Variants in APP observed in about 807,000 individuals in gnomAD.
APP encodes amyloid-beta precursor protein.
In APP, 31 loss-of-function variants were observed where a neutral mutation model predicts 101.4. The observed-to-expected ratio is 0.31, with a 90% confidence interval of 0.23 to 0.41. APP has a LOEUF of 0.41. Among genes scored for constraint, APP ranks in the 10% least tolerant of loss-of-function variants. The probability of loss-of-function intolerance (pLI) is 1.00; values close to 1 mark genes in which losing one functional copy is unlikely to be tolerated. For synonymous variants in APP, 366 were observed against 364.4 expected, an observed-to-expected ratio of 1.00 and a Z score of -0.05; for missense variants, 839 against 1,003.7, an observed-to-expected ratio of 0.84 and a Z score of 2.22.
rs2061792750 is a variant in APP, at chr21:26,090,135, C to CT, written c.226-64dup. 3.7e-6 allele frequency: 6 copies of CT among 1,605,364 alleles called. No individual in the cohort carries two copies. In the South Asian group the frequency reaches 4.4e-5, roughly 12 times the overall value. On this transcript the variant is annotated intron_variant, in intron 2 of 17. Transcript: ENST00000346798. ...GGCAGGGGCTGGCATTTACAAGCAT[C>CT]TAACAAGCCTCCACTGTAAGGTACA...
chr21:25,925,342 G>A (rs2039842197), intron 13 of APP, among the ~76,000 whole-genome samples: 1 of 152,142 alleles, frequency 6.6e-6, no homozygotes, highest in Non-Finnish European at 1.5e-5. Flanking sequence ...CCAAGGCTCG[G>A]GTTCGTCATC....
chr21:26,090,950 A>G (rs1671862798), intron 2 of APP, among the ~76,000 whole-genome samples: 1 of 152,244 alleles, frequency 6.6e-6, no homozygotes, highest in South Asian at 2.1e-4. Flanking sequence ...TGAATACATC[A>G]TGGTGTTTAA....
intron 1 of APP, among the ~76,000 whole-genome samples, chr21:26,142,537 G>A (rs1001732500): frequency 6.6e-6 from 1 of 152,154 alleles, no homozygotes; most frequent in Non-Finnish European, 1.5e-5. Context: ...GGGAGATAGA[G>A]GTCGGAGGCT....
chr21:26,026,716 G>A (rs2044591748), intron 5 of APP, among the ~76,000 whole-genome samples: 1 of 152,222 alleles, frequency 6.6e-6, no homozygotes, highest in African/African-American at 2.4e-5. Context: ...CGAACAGGAG[G>A]AACACAGAGG....
At chr21:25,959,258 C>T (rs1306107144) in intron 11 of APP, among the ~76,000 whole-genome samples, 1 of 152,174 alleles carries the variant, frequency 6.6e-6, no homozygotes, top group Non-Finnish European at 1.5e-5. Context: ...CATGGTGAAA[C>T]CCCATCTCTA....
intron 8 of APP, 23 bp from the exon 9 acceptor site, chr21:25,982,500 GT>G: frequency 5.0e-6 from 8 of 1,610,344 alleles, no homozygotes; most frequent in Non-Finnish European, 6.8e-6. Context: ...AGAGAAGGAG[GT>G]TTGAGAAAAA....
chr21:26,084,903 T>C (rs1487214445), intron 3 of APP, among the ~76,000 whole-genome samples: 2 of 152,240 alleles, frequency 1.3e-5, no homozygotes, highest in Non-Finnish European at 2.9e-5. Context: ...AAATTAATGA[T>C]CATTCTGTGT....
At chr21:26,109,601 A>G (rs2062265763) in intron 2 of APP, among the ~76,000 whole-genome samples, 1 of 152,218 alleles carries the variant, frequency 6.6e-6, no homozygotes, top group South Asian at 2.1e-4. Context: ...CAGCAATGTG[A>G]GAACAGACTA....
At chr21:26,147,441 A>G (rs1319362015) in intron 1 of APP, among the ~76,000 whole-genome samples, 1 of 152,198 alleles carries the variant, frequency 6.6e-6, no homozygotes, top group Non-Finnish European at 1.5e-5. Context: ...TGCCCTTTAT[A>G]TAAGCTTTAT....
At chr21:26,095,427 C>T (rs904731416) in intron 2 of APP, among the ~76,000 whole-genome samples, 1 of 152,220 alleles carries the variant, frequency 6.6e-6, no homozygotes, top group Non-Finnish European at 1.5e-5. Flanking sequence ...CGCTTGTGTT[C>T]AAGTAACTCT....
chr21:25,931,009 A>G (rs1000708526), intron 13 of APP, among the ~76,000 whole-genome samples: 3 of 152,312 alleles, frequency 2.0e-5, no homozygotes, highest in Middle Eastern at 3.4e-3. Context: ...TCTGCAACCA[A>G]GAAAATCAAA....
chr21:26,048,272 G>A lies in APP; in HGVS notation c.662+2728C>T, dbSNP rs1385889906. ...CGGGAGGTGGAGGTTGCAGTGAGCC[G>A]AGATCACGCCACTGCACTCCAGCCT... is the stretch of plus-strand genomic sequence containing the variant. On this transcript the variant is annotated intron_variant, in intron 5 of 17. Transcript: ENST00000346798. Among the ~76,000 whole-genome samples the A allele has an allele frequency of 4.6e-5, 7 of 152,232 alleles. No homozygotes were observed. In the East Asian group the frequency reaches 7.7e-4, roughly 17 times the overall value.
chr21:26,161,696 G>A (rs2063494148), intron 1 of APP, among the ~76,000 whole-genome samples: 1 of 151,970 alleles, frequency 6.6e-6, no homozygotes, highest in Non-Finnish European at 1.5e-5. Context: ...AGTTTCTTAG[G>A]TACTCTTCAG....
At chr21:25,914,490 G>C (rs1401348180) in intron 13 of APP, among the ~76,000 whole-genome samples, 1 of 145,634 alleles carries the variant, frequency 6.9e-6, no homozygotes, top group Non-Finnish European at 1.5e-5. Flanking sequence ...GCCCCTTTAT[G>C]TGCATCTGCC....
intron 1 of APP, among the ~76,000 whole-genome samples, chr21:26,140,676 G>T (rs568865768): frequency 2.8e-4 from 43 of 152,352 alleles, no homozygotes; most frequent in African/African-American, 8.2e-4. Flanking sequence ...ACAGGAACTT[G>T]TTAGGCAAGA....
intron 13 of APP, chr21:25,945,979 G>GC (rs1241161194): frequency 4.4e-6 from 2 of 449,968 alleles, no homozygotes; most frequent in East Asian, 1.4e-4. Context: ...ACTGCACCTG[G>GC]CAAGAATAGT....
intron 6 of APP, among the ~76,000 whole-genome samples, chr21:26,001,481 A>G (rs2043292106): frequency 6.6e-6 from 1 of 152,180 alleles, no homozygotes; most frequent in African/African-American, 2.4e-5. Flanking sequence ...CGCATCACCC[A>G]TTACTTCCAA....
At chr21:26,036,672 A>T (rs117475250) in intron 5 of APP, among the ~76,000 whole-genome samples, 1,750 of 152,338 alleles carry the variant, frequency 0.011, 16 homozygotes, top group Non-Finnish European at 0.018. Flanking sequence ...AGAATGGAAC[A>T]TACATAGCCA....
At chr21:25,897,124 TTTC>T (rs1342455636) in intron 16 of APP, among the ~76,000 whole-genome samples, 3 of 116,248 alleles carry the variant, frequency 2.6e-5, no homozygotes, top group African/African-American at 1.1e-4. Flanking sequence ...ATACAGCCTC[TTTC>T]TTTTCTTTTT....
Sources: gnomAD v4.1 joint callset for allele counts (sites outside exome capture counted in the v4.1 genomes callset) on GRCh38, gnomAD v4.1.1 for gene constraint, MANE v1.5 for transcripts, NCBI Gene and HGNC (gene_info 2026-07-23, HGNC 2026-07-21) for gene names.